Variants in PTPRF observed in about 807,000 individuals in gnomAD.
The protein encoded by PTPRF is receptor-type tyrosine-protein phosphatase F.
PTPRF carries 59 observed loss-of-function variants against 201.8 expected under a neutral mutation model. The observed-to-expected ratio is 0.29, with a 90% CI of 0.24 to 0.36. PTPRF has a LOEUF of 0.36. PTPRF is among the 10% of genes least tolerant of loss of function. The probability of loss-of-function intolerance (pLI) is 1.00; values close to 1 mark genes in which losing one functional copy is unlikely to be tolerated. For missense variants in PTPRF, 2,132 were observed against 2,690.5 expected (o/e 0.79, Z 4.59); for synonymous variants, 1,088 against 1,089.7 (o/e 1.00, Z 0.03).
chr1:43,564,943 G>C (rs1050667268), intron 5 of PTPRF, among the ~76,000 whole-genome samples: 11 of 152,104 alleles, frequency 7.2e-5, no homozygotes, highest in Admixed American at 5.2e-4. Context: ...AGACCTGTGT[G>C]TACTTTGTAG....
rs1658829578 is a variant in PTPRF at position 43,620,082 on chromosome 1, AT to A, written c.5112-12del. On this transcript the variant is annotated splice_polypyrimidine_tract_variant and intron_variant, in intron 29 of 33. Coordinates refer to ENST00000359947, the MANE Select transcript of PTPRF (RefSeq NM_002840.5). ...CAGCACCTCCAGCATGTCCAGTCTT[AT>A]GTCCACCCCAGACAGCAGAAGGCCT... 1 of 1,613,736 alleles carries A rather than the reference AT, an allele frequency of 6.2e-7. No homozygotes were observed. The highest frequency in any genetic ancestry group is 1.7e-5 in the Admixed American group (1 of 59,976).
intron 2 of PTPRF, 116 bp from the exon 3 acceptor site, chr1:43,544,915 T>A: frequency 1.6e-6 from 1 of 642,916 alleles, no homozygotes; most frequent in East Asian, 2.8e-5. Flanking sequence ...GGGGCTCTGT[T>A]GAACTAGGCT....
upstream of PTPRF, among the ~76,000 whole-genome samples, chr1:43,526,419 A>AT (rs1213404422): frequency 2.0e-5 from 3 of 151,892 alleles, no homozygotes; most frequent in South Asian, 4.2e-4. Context: ...ACATGATGAG[A>AT]TTTTGTCCCT....
At chr1:43,593,002 G>A (rs1361014533) in intron 11 of PTPRF, among the ~76,000 whole-genome samples, 1 of 152,060 alleles carries the variant, frequency 6.6e-6, no homozygotes, top group South Asian at 2.1e-4. Context: ...CTATGGCCCC[G>A]CATCTCGTCT....
chr1:43,524,873 G>A (rs1046002434), upstream of PTPRF, among the ~76,000 whole-genome samples: 2 of 152,200 alleles, frequency 1.3e-5, no homozygotes, highest in African/African-American at 4.8e-5. Flanking sequence ...AGAGAATGGG[G>A]AGGGCTGGAA....
intron 5 of PTPRF, among the ~76,000 whole-genome samples, chr1:43,556,876 G>A (rs764889697): frequency 6.6e-6 from 1 of 152,310 alleles, no homozygotes; most frequent in East Asian, 1.9e-4. Flanking sequence ...GGCATCATCC[G>A]GGTGATGCAG....
In PTPRF at chr1:43,606,326, A is replaced by G. The variant is rs767276103; in HGVS notation, c.3570A>G (p.Gln1190=). Reference sequence around the variant, plus strand: ...GTCTGAAGCCATATGTGGCTGCTCAACTGGATGTGCTCCCGGAGACCTTTA... The same window carrying G: ...GTCTGAAGCCATATGTGGCTGCTCAGCTGGATGTGCTCCCGGAGACCTTTA... ...AERLKPYVAA[Q]LDVLPETFTL... The change falls in exon 20 of 34, where the codon CAA becomes CAG. Residue 1190 remains glutamine (Q), a synonymous_variant. Coordinates refer to ENST00000359947, the MANE Select transcript of PTPRF (RefSeq NM_002840.5). 1.9e-6 allele frequency: 3 copies of G among 1,614,188 alleles called. No homozygotes were observed. The highest frequency in any genetic ancestry group is 2.2e-5 in the South Asian group (2 of 91,084).
chr1:43,570,864 A>C (rs1646518966), intron 6 of PTPRF, among the ~76,000 whole-genome samples: 1 of 152,222 alleles, frequency 6.6e-6, no homozygotes, highest in Admixed American at 6.5e-5. Context: ...AAACAGCCAT[A>C]ATCAAGGCAG....
intron 22 of PTPRF, among the ~76,000 whole-genome samples, chr1:43,611,946 A>C (rs193129421): frequency 6.6e-6 from 1 of 152,302 alleles, no homozygotes; most frequent in Non-Finnish European, 1.5e-5. Flanking sequence ...GTGGTAGTCA[A>C]AGCCTGAGAA....
At chr1:43,601,924 G>T in intron 13 of PTPRF, 147 bp from the exon 14 acceptor site, 1 of 835,016 alleles carries the variant, frequency 1.2e-6, no homozygotes, top group South Asian at 1.6e-5. Context: ...ACCGGGAGTT[G>T]TTCTGGGGTG....
At chr1:43,602,735 C>T (rs974622473) in intron 14 of PTPRF, among the ~76,000 whole-genome samples, 4 of 152,188 alleles carry the variant, frequency 2.6e-5, no homozygotes, top group Admixed American at 2.0e-4. Context: ...GGTATATGGG[C>T]AGGGTCTGCC....
chr1:43,570,844 C>T (rs1646517044), intron 6 of PTPRF, among the ~76,000 whole-genome samples: 1 of 152,254 alleles, frequency 6.6e-6, no homozygotes, highest in Non-Finnish European at 1.5e-5. Flanking sequence ...AGCTGTAGCG[C>T]AGTTAATTAA....
upstream of PTPRF, among the ~76,000 whole-genome samples, chr1:43,524,242 C>G (rs1570804339): frequency 6.6e-6 from 1 of 152,206 alleles, no homozygotes; most frequent in Non-Finnish European, 1.5e-5. Flanking sequence ...GTAAGGGATA[C>G]ATATTGGGTA....
At position 43,597,741 on chromosome 1, in the gene PTPRF, T is replaced by TAC; in HGVS notation, c.1814-7_1814-6insAC. ...CTGCTTGCTTCCCCCCCATTTGTCT[T>TAC]CCCCAGCCCCCTCCGCCCCTCCCCA... On this transcript the variant is annotated splice_polypyrimidine_tract_variant and splice_region_variant and intron_variant, in intron 11 of 33. Transcript: ENST00000359947. 16 of 1,517,856 alleles carry TAC rather than the reference T, an allele frequency of 1.1e-5. No homozygotes were observed. Among genetic ancestry groups the TAC allele is most frequent in the Admixed American group, 1.9e-5 (1 of 51,960 alleles). The allele number at this position is 1,517,856 out of a possible 1,614,324, so 94.0% of individuals were successfully genotyped here. A position where few individuals can be genotyped will look rare whatever the true frequency, so the allele number is the denominator to read the frequency against.
At chr1:43,548,867 A>G (rs1286908426) in intron 3 of PTPRF, among the ~76,000 whole-genome samples, 1 of 152,236 alleles carries the variant, frequency 6.6e-6, no homozygotes, top group East Asian at 1.9e-4. Context: ...GGAAAGGCAC[A>G]AAATAGCAGT....
intron 13 of PTPRF, among the ~76,000 whole-genome samples, chr1:43,601,768 A>G (rs1258838497): frequency 6.6e-6 from 1 of 152,122 alleles, no homozygotes; most frequent in Non-Finnish European, 1.5e-5. Context: ...CAAAATTGTC[A>G]GAGCATCTGT....
At chr1:43,566,867 C>T (rs960362208) in intron 5 of PTPRF, among the ~76,000 whole-genome samples, 1 of 152,172 alleles carries the variant, frequency 6.6e-6, no homozygotes, top group Non-Finnish European at 1.5e-5. Flanking sequence ...GTTTTAGGCT[C>T]TGGCGGCAGT....
chr1:43,587,969 C>T (rs1347093892), intron 7 of PTPRF, among the ~76,000 whole-genome samples: 1 of 152,122 alleles, frequency 6.6e-6, no homozygotes, highest in African/African-American at 2.4e-5. Flanking sequence ...CCACCCCTCC[C>T]CTTGAGACCC....
chr1:43,562,258 G>A (rs1423471244), intron 5 of PTPRF, among the ~76,000 whole-genome samples: 6 of 152,044 alleles, frequency 3.9e-5, no homozygotes, highest in Admixed American at 6.5e-5. Context: ...ACAGGCACGC[G>A]CCACCACACC....
Sources: allele counts gnomAD v4.1 joint callset (sites outside exome capture counted in the v4.1 genomes callset), GRCh38; gene constraint gnomAD v4.1.1; transcripts MANE v1.5; gene names NCBI Gene and HGNC (gene_info 2026-07-23, HGNC 2026-07-21).